The following SORCS1 variants were observed in gnomAD, a reference collection of about 807,000 sequenced individuals.
SORCS1 encodes the protein sortilin related VPS10 domain containing receptor 1, also known as VPS10 domain-containing receptor SorCS1.
A neutral mutation model predicts 146.1 loss-of-function variants in SORCS1; 60 were observed. That is an observed-to-expected ratio of 0.41 (90% CI 0.33 to 0.51). SORCS1 has a LOEUF of 0.51. SORCS1 is among the 20% of genes least tolerant of loss of function. SORCS1 has a pLI of 0.21. For missense variants in SORCS1, 1,352 were observed against 1,487.6 expected (o/e 0.91, Z 1.50); for synonymous variants, 637 against 584.0 (o/e 1.09, Z -1.31).
intron 6 of SORCS1, among the ~76,000 whole-genome samples, chr10:106,715,735 T>C (rs907128453): frequency 1.6e-4 from 24 of 152,156 alleles, no homozygotes; most frequent in Admixed American, 1.3e-3. Context: ...GTGCTAAGGA[T>C]ATTTCTACCT....
chr10:107,138,996 G>C (rs770868889), intron 1 of SORCS1, among the ~76,000 whole-genome samples: 1 of 152,082 alleles, frequency 6.6e-6, no homozygotes, highest in Non-Finnish European at 1.5e-5. Context: ...AAATTCCTCT[G>C]GTGCCAACCA....
chr10:107,016,359 C>T (rs1957897542), intron 1 of SORCS1, among the ~76,000 whole-genome samples: 1 of 152,108 alleles, frequency 6.6e-6, no homozygotes, highest in Non-Finnish European at 1.5e-5. Flanking sequence ...ATTCAATTAG[C>T]CAGGTGCAGT....
chr10:106,813,911 C>T (rs1947606875), intron 3 of SORCS1, among the ~76,000 whole-genome samples: 1 of 152,168 alleles, frequency 6.6e-6, no homozygotes, highest in South Asian at 2.1e-4. Flanking sequence ...TATGATCACA[C>T]CACTGCACTC....
chr10:106,734,348 A>T (rs1856805612), intron 5 of SORCS1, among the ~76,000 whole-genome samples: 1 of 152,156 alleles, frequency 6.6e-6, no homozygotes, highest in Non-Finnish European at 1.5e-5. Flanking sequence ...TGAAGTTGAA[A>T]ACAGGCTTCT....
intron 1 of SORCS1, among the ~76,000 whole-genome samples, chr10:107,038,597 G>A (rs978155778): frequency 6.6e-6 from 1 of 152,050 alleles, no homozygotes; most frequent in Non-Finnish European, 1.5e-5. Flanking sequence ...GTAACTATGT[G>A]GTCTCAGGCA....
intron 1 of SORCS1, among the ~76,000 whole-genome samples, chr10:107,159,024 G>T (rs1267716927): frequency 1.3e-5 from 2 of 151,412 alleles, no homozygotes; most frequent in Admixed American, 6.6e-5. Context: ...GGGGGAAGGG[G>T]GGTCCAAAGT....
chr10:106,719,204 A>G (rs1358175370), intron 6 of SORCS1, among the ~76,000 whole-genome samples: 1 of 152,190 alleles, frequency 6.6e-6, no homozygotes, highest in Non-Finnish European at 1.5e-5. Flanking sequence ...GAAAGTGGGG[A>G]GGAAGAAATG....
chr10:107,143,585 C>T (rs1365924161), intron 1 of SORCS1, among the ~76,000 whole-genome samples: 1 of 152,142 alleles, frequency 6.6e-6, no homozygotes, highest in Non-Finnish European at 1.5e-5. Context: ...CTCACTGCAA[C>T]CTCTGCCTCC....
intron 9 of SORCS1, among the ~76,000 whole-genome samples, chr10:106,695,627 G>A (rs192117736): frequency 6.6e-6 from 1 of 152,302 alleles, no homozygotes; most frequent in African/African-American, 2.4e-5. Context: ...TACTGAATGG[G>A]AGAGTTATGG....
chr10:106,912,117 A>AC (rs1171642250), intron 2 of SORCS1, among the ~76,000 whole-genome samples: 3 of 150,792 alleles, frequency 2.0e-5, no homozygotes, highest in African/African-American at 7.4e-5. Flanking sequence ...CGTCTCAAAA[A>AC]AAAAAAACAA....
intron 3 of SORCS1, among the ~76,000 whole-genome samples, chr10:106,800,836 C>T (rs822002): frequency 0.35 from 53,138 of 151,920 alleles, 9,549 homozygotes; most frequent in Non-Finnish European, 0.38. Context: ...CCACCGTACC[C>T]GGCCAGTTCC....
At chr10:106,656,366 C>T (rs768506315) in intron 17 of SORCS1, among the ~76,000 whole-genome samples, 4 of 152,012 alleles carry the variant, frequency 2.6e-5, no homozygotes, top group Non-Finnish European at 5.9e-5. Context: ...CTGGCTAACA[C>T]AGTGAAACCT....
At chr10:106,964,278 C>T (rs987029560) in intron 1 of SORCS1, among the ~76,000 whole-genome samples, 1 of 152,094 alleles carries the variant, frequency 6.6e-6, no homozygotes. Flanking sequence ...GCTTTGGAAC[C>T]AGAAGACGAC....
At chr10:106,695,730 A>C (rs1853650312) in intron 9 of SORCS1, among the ~76,000 whole-genome samples, 1 of 151,810 alleles carries the variant, frequency 6.6e-6, no homozygotes, top group Non-Finnish European at 1.5e-5. Flanking sequence ...AACAAAATTC[A>C]TTTCTAGTAT....
intron 13 of SORCS1, 71 bp downstream of exon 13, chr10:106,677,242 C>G: frequency 7.2e-7 from 1 of 1,384,414 alleles, no homozygotes; most frequent in South Asian, 1.2e-5. Flanking sequence ...GTTTGATAGC[C>G]TGACTCCTAG....
At chr10:107,022,897 C>G (rs1958208632) in intron 1 of SORCS1, among the ~76,000 whole-genome samples, 1 of 152,106 alleles carries the variant, frequency 6.6e-6, no homozygotes, top group Admixed American at 6.6e-5. Context: ...ACTGGGTAAT[C>G]CTCCCTCTGC....
At chr10:106,878,620 G>GCATATATATATATATA (rs1554871217) in intron 2 of SORCS1, among the ~76,000 whole-genome samples, 10 of 84,950 alleles carry the variant, frequency 1.2e-4, no homozygotes, top group South Asian at 4.1e-4. Flanking sequence ...AAACTACCTA[G>GCATATATATATATATA]TATATATATA....
intron 1 of SORCS1, among the ~76,000 whole-genome samples, chr10:106,987,040 G>A (rs1447018566): frequency 1.3e-5 from 2 of 152,008 alleles, no homozygotes; most frequent in African/African-American, 2.4e-5. Flanking sequence ...ATTGTTCATC[G>A]AACCTTACGG....
chr10:106,835,254 A>G (rs533832414), intron 2 of SORCS1, among the ~76,000 whole-genome samples: 1 of 152,234 alleles, frequency 6.6e-6, no homozygotes, highest in Non-Finnish European at 1.5e-5. Flanking sequence ...GATTTCCTTC[A>G]CTATAATCTT....
Sources: gnomAD v4.1 joint callset for allele counts (sites outside exome capture counted in the v4.1 genomes callset) on GRCh38, gnomAD v4.1.1 for gene constraint, MANE v1.5 for transcripts, NCBI Gene and HGNC (gene_info 2026-07-23, HGNC 2026-07-21) for gene names.